The following SLC8A3 variants were observed in gnomAD, a reference collection of about 807,000 sequenced individuals.
The protein encoded by SLC8A3 is solute carrier family 8 member A3.
A neutral mutation model predicts 65.4 loss-of-function variants in SLC8A3; 37 were observed. That is an observed-to-expected ratio of 0.57 (90% CI 0.44 to 0.74). The LOEUF is 0.74. SLC8A3 is among the 30% of genes least tolerant of loss of function. The pLI is 0.00. For synonymous variants in SLC8A3, 461 were observed against 444.5 expected, an observed-to-expected ratio of 1.04 and a Z score of -0.47; for missense variants, 1,112 against 1,172.1, an observed-to-expected ratio of 0.95 and a Z score of 0.75.
intron 2 of SLC8A3, among the ~76,000 whole-genome samples, chr14:70,062,202 C>T (rs1467123435): frequency 6.6e-6 from 1 of 152,092 alleles, no homozygotes; most frequent in African/African-American, 2.4e-5. Context: ...TTCAGATCCT[C>T]TGATGTTCCT....
At chr14:70,179,941 G>T (rs1882589474) in intron 1 of SLC8A3, among the ~76,000 whole-genome samples, 1 of 152,186 alleles carries the variant, frequency 6.6e-6, no homozygotes, top group Non-Finnish European at 1.5e-5. Flanking sequence ...GAATGCCAGA[G>T]GTCTCCTTTC....
chr14:70,089,166 C>T (rs891188419), intron 2 of SLC8A3, among the ~76,000 whole-genome samples: 8 of 152,178 alleles, frequency 5.3e-5, no homozygotes, highest in Admixed American at 5.2e-4. Flanking sequence ...AATGTTGTTA[C>T]TTGTTCTCTT....
chr14:70,061,985 C>T (rs967327611), intron 2 of SLC8A3, among the ~76,000 whole-genome samples: 2 of 152,052 alleles, frequency 1.3e-5, no homozygotes, highest in African/African-American at 2.4e-5. Context: ...GAGAGGTTGC[C>T]GTGTGGGCCT....
intron 2 of SLC8A3, among the ~76,000 whole-genome samples, chr14:70,066,766 G>A (rs1300445612): frequency 2.0e-5 from 3 of 152,150 alleles, no homozygotes; most frequent in Admixed American, 6.5e-5. Context: ...AGCCGAGATT[G>A]TGCCATTGCA....
At chr14:70,080,734 C>T (rs1354218283) in intron 2 of SLC8A3, among the ~76,000 whole-genome samples, 2 of 152,136 alleles carry the variant, frequency 1.3e-5, no homozygotes, top group East Asian at 1.9e-4. Flanking sequence ...AAGAGAAGTC[C>T]TTTTATTTGT....
chr14:70,089,573 T>C (rs1891676695), intron 2 of SLC8A3, among the ~76,000 whole-genome samples: 1 of 152,086 alleles, frequency 6.6e-6, no homozygotes, highest in Admixed American at 6.5e-5. Flanking sequence ...AATGACACTT[T>C]CAAGTTGGGC....
intron 3 of SLC8A3, among the ~76,000 whole-genome samples, chr14:70,056,154 G>A (rs1014094617): frequency 6.6e-6 from 1 of 152,308 alleles, no homozygotes; most frequent in African/African-American, 2.4e-5. Context: ...AGGATACCAG[G>A]TTATCACATC....
intron 2 of SLC8A3, among the ~76,000 whole-genome samples, chr14:70,163,148 G>A (rs1449780912): frequency 2.0e-5 from 3 of 152,212 alleles, no homozygotes; most frequent in African/African-American, 7.2e-5. Context: ...TTGAATGACT[G>A]AACACCATCT....
In SLC8A3 at chr14:70,167,503, T is replaced by C. The variant is rs773638837; in HGVS notation, c.920A>G (p.Lys307Arg). The change falls in exon 2 of 7, where the codon AAG becomes AGG. Residue 307 changes from lysine (K) to arginine (R), a missense_variant. Physicochemically the swap from Lys to Arg is conservative, Grantham distance 26. Coordinates refer to ENST00000356921, the MANE Select transcript of SLC8A3 (RefSeq NM_182932.3). ...LDGNLVPLEG[K>R]EVDESRREMI... ...CTCTCTGCGGGACTCATCCACTTCC[T>C]TCCCTTCCAGGGGCACCAGGTTCCC... The C allele has an allele frequency of 1.9e-6, 3 of 1,613,920 alleles. No individual in the cohort carries two copies.
At chr14:70,097,268 C>A (rs551069947) in intron 2 of SLC8A3, among the ~76,000 whole-genome samples, 2 of 135,012 alleles carry the variant, frequency 1.5e-5, no homozygotes, top group Non-Finnish European at 3.1e-5. Flanking sequence ...ATACCACCCT[C>A]AGAAAAGCAT....
At chr14:70,090,041 CT>C (rs532490299) in intron 2 of SLC8A3, among the ~76,000 whole-genome samples, 60 of 150,476 alleles carry the variant, frequency 4.0e-4, no homozygotes, top group African/African-American at 1.2e-3. Context: ...CCCTTTCTGT[CT>C]TTTTTTTTAA....
intron 1 of SLC8A3, among the ~76,000 whole-genome samples, chr14:70,176,826 T>C (rs1897938294): frequency 6.6e-6 from 1 of 152,258 alleles, no homozygotes. Context: ...AATTCTCTTG[T>C]CTTTGTAGGA....
chr14:70,098,596 T>C (rs1892350717), intron 2 of SLC8A3, among the ~76,000 whole-genome samples: 1 of 152,160 alleles, frequency 6.6e-6, no homozygotes, highest in Non-Finnish European at 1.5e-5. Context: ...CAGCGCTTTC[T>C]GGAAGGGGTC....
chr14:70,056,387 G>A (rs1019697047), intron 3 of SLC8A3, among the ~76,000 whole-genome samples: 1 of 152,104 alleles, frequency 6.6e-6, no homozygotes, highest in Non-Finnish European at 1.5e-5. Flanking sequence ...GTGCTCATAA[G>A]GTTTCCATCA....
chr14:70,078,722 C>A (rs1890762620), intron 2 of SLC8A3, among the ~76,000 whole-genome samples: 1 of 152,182 alleles, frequency 6.6e-6, no homozygotes, highest in South Asian at 2.1e-4. Context: ...GTAGGAAGAA[C>A]AAATCATAAA....
intron 2 of SLC8A3, among the ~76,000 whole-genome samples, chr14:70,106,214 T>C (rs1012009971): frequency 1.3e-5 from 2 of 152,144 alleles, no homozygotes; most frequent in African/African-American, 2.4e-5. Flanking sequence ...TTCAACATAC[T>C]AGAGGTCCTA....
At chr14:70,136,946 G>A (rs964730857) in intron 2 of SLC8A3, among the ~76,000 whole-genome samples, 1 of 152,192 alleles carries the variant, frequency 6.6e-6, no homozygotes, top group Non-Finnish European at 1.5e-5. Flanking sequence ...GGCCCATCCT[G>A]TTATATCTCT....
chr14:70,123,475 G>A (rs534207348), intron 2 of SLC8A3, among the ~76,000 whole-genome samples: 45 of 148,146 alleles, frequency 3.0e-4, no homozygotes, highest in Non-Finnish European at 4.3e-4. Flanking sequence ...CTGAGATGGA[G>A]TTTCACTCTT....
chr14:70,149,356 T>C (rs913744280), intron 2 of SLC8A3, among the ~76,000 whole-genome samples: 7 of 152,120 alleles, frequency 4.6e-5, no homozygotes, highest in Admixed American at 4.6e-4. Context: ...GGCAGCACCA[T>C]CCACAGCACT....
Sources: gnomAD v4.1 joint callset for allele counts (sites outside exome capture counted in the v4.1 genomes callset) on GRCh38, gnomAD v4.1.1 for gene constraint, MANE v1.5 for transcripts, NCBI Gene and HGNC (gene_info 2026-07-23, HGNC 2026-07-21) for gene names.